The following CADM2 variants were observed in gnomAD, a reference collection of about 807,000 sequenced individuals.
The protein encoded by CADM2 is cell adhesion molecule 2.
In CADM2, 12 loss-of-function variants were observed where a neutral mutation model predicts 49.8. The observed-to-expected ratio is 0.24, with a 90% CI of 0.15 to 0.39. The LOEUF (loss-of-function observed/expected upper bound fraction) is 0.39, where lower values mean the gene tolerates loss of function less well. Among genes scored for constraint, CADM2 ranks in the 10% least tolerant of loss-of-function variants. The pLI, the probability that CADM2 is intolerant of heterozygous loss-of-function variation, is 1.00. For missense variants in CADM2, 378 were observed against 492.3 expected, an observed-to-expected ratio of 0.77 and a Z score of 2.20; for synonymous variants, 214 against 175.4, an observed-to-expected ratio of 1.22 and a Z score of -1.74.
At position 84,959,270 on chromosome 3, in the gene CADM2, G is replaced by A; in HGVS notation, c.-338G>A. The A allele has an allele frequency of 2.2e-6, 1 of 463,502 alleles. No individual in the cohort carries two copies. Among genetic ancestry groups the A allele is most frequent in the Non-Finnish European group, 3.9e-6 (1 of 255,194 alleles). The allele number at this position is 463,502 out of a possible 1,614,324, so 28.7% of individuals were successfully genotyped here. A position where few individuals can be genotyped will look rare whatever the true frequency, so the allele number is the denominator to read the frequency against. On this transcript the variant is annotated 5_prime_UTR_variant, in exon 1 of 10. Coordinates refer to ENST00000383699, the MANE Select transcript of CADM2 (RefSeq NM_001167675.2). The stretch of plus-strand genomic sequence containing the variant: ...ACACCCCGGCATCCCTGCACCACCT[G>A]CTCGGGCAGCCCCGGCGGGCTCTGG...
chr3:85,654,350 G>T (rs1485107115), intron 1 of CADM2, among the ~76,000 whole-genome samples: 1 of 152,146 alleles, frequency 6.6e-6, no homozygotes, highest in Non-Finnish European at 1.5e-5. Context: ...GAGGGGATGG[G>T]AACTAGTGCA....
At chr3:85,000,730 AACACACAT>A (rs1424617195) in intron 1 of CADM2, among the ~76,000 whole-genome samples, 1 of 151,712 alleles carries the variant, frequency 6.6e-6, no homozygotes, top group Non-Finnish European at 1.5e-5. Context: ...ACTTTTTTGA[AACACACAT>A]ACATTTTTGT....
At chr3:85,330,939 A>G (rs1218734697) in intron 1 of CADM2, among the ~76,000 whole-genome samples, 2 of 152,086 alleles carry the variant, frequency 1.3e-5, no homozygotes, top group Non-Finnish European at 2.9e-5. Context: ...TTCATTCTAC[A>G]TGACAGAGTC....
At chr3:85,867,171 C>T (rs1295709377) in intron 3 of CADM2, among the ~76,000 whole-genome samples, 2 of 152,016 alleles carry the variant, frequency 1.3e-5, no homozygotes, top group East Asian at 3.9e-4. Flanking sequence ...TAAAACGTAA[C>T]AACTGTATGT....
chr3:85,497,402 CA>C (rs1321162194), intron 1 of CADM2, among the ~76,000 whole-genome samples: 3 of 151,918 alleles, frequency 2.0e-5, no homozygotes, highest in African/African-American at 7.3e-5. Flanking sequence ...TGGCCTCTTG[CA>C]GTAGCAGAAA....
At chr3:85,287,816 A>G (rs916576076) in intron 1 of CADM2, among the ~76,000 whole-genome samples, 2 of 152,100 alleles carry the variant, frequency 1.3e-5, no homozygotes, top group African/African-American at 4.8e-5. Context: ...AATCAGTTGT[A>G]GCTTTTAAAT....
At chr3:85,813,468 T>A (rs1040626667) in intron 3 of CADM2, among the ~76,000 whole-genome samples, 2 of 152,196 alleles carry the variant, frequency 1.3e-5, no homozygotes, top group African/African-American at 4.8e-5. Flanking sequence ...GAAGGACAGA[T>A]TGCAAAAATT....
chr3:85,768,501 T>G (rs1448548250), intron 2 of CADM2, among the ~76,000 whole-genome samples: 1 of 148,332 alleles, frequency 6.7e-6, no homozygotes, highest in Admixed American at 6.8e-5. Context: ...TAAAATACTT[T>G]TTTTTTTATC....
At chr3:85,951,205 A>G (rs1272472989) in intron 7 of CADM2, among the ~76,000 whole-genome samples, 1 of 151,146 alleles carries the variant, frequency 6.6e-6, no homozygotes, top group East Asian at 2.0e-4. Flanking sequence ...ACATATCCAG[A>G]AATATTTAAA....
intron 5 of CADM2, among the ~76,000 whole-genome samples, chr3:85,887,172 G>A (rs1234759046): frequency 1.4e-5 from 2 of 145,132 alleles, no homozygotes; most frequent in African/African-American, 2.4e-5. Flanking sequence ...ACTGTACCTC[G>A]CACTCCTAGG....
intron 5 of CADM2, among the ~76,000 whole-genome samples, chr3:85,908,831 T>G (rs1717169655): frequency 6.6e-6 from 1 of 151,966 alleles, no homozygotes. Context: ...TTCAAGCGAT[T>G]CTTCTGCCTC....
At chr3:85,304,988 A>C (rs2044180600) in intron 1 of CADM2, among the ~76,000 whole-genome samples, 1 of 151,734 alleles carries the variant, frequency 6.6e-6, no homozygotes, top group African/African-American at 2.4e-5. Context: ...TATTGTAGCT[A>C]TTGAAAAGTA....
At chr3:85,212,839 T>TTTCC (rs2041816800) in intron 1 of CADM2, among the ~76,000 whole-genome samples, 9 of 113,244 alleles carry the variant, frequency 7.9e-5, no homozygotes, top group African/African-American at 3.2e-4. Context: ...TCTTTCTTTC[T>TTTCC]TTCTTTCTTT....
chr3:86,012,413 G>T, intron 8 of CADM2: 1 of 401,206 alleles, frequency 2.5e-6, no homozygotes, highest in Non-Finnish European at 4.4e-6. Flanking sequence ...TTACAATAAA[G>T]TTGGGCTTCT....
intron 1 of CADM2, among the ~76,000 whole-genome samples, chr3:85,713,545 A>C (rs949935638): frequency 6.6e-6 from 1 of 152,172 alleles, no homozygotes; most frequent in African/African-American, 2.4e-5. Context: ...AAAGGATGCC[A>C]CTTAGGCACT....
intron 1 of CADM2, among the ~76,000 whole-genome samples, chr3:85,613,213 C>T (rs930664567): frequency 1.3e-5 from 2 of 151,310 alleles, no homozygotes; most frequent in African/African-American, 4.8e-5. Context: ...AAAGAATATG[C>T]TATCCATTAC....
At chr3:85,579,931 A>G (rs116364229) in intron 1 of CADM2, among the ~76,000 whole-genome samples, 1 of 152,164 alleles carries the variant, frequency 6.6e-6, no homozygotes, top group African/African-American at 2.4e-5. Context: ...CAGAAAATGT[A>G]TATGTTTACA....
intron 1 of CADM2, among the ~76,000 whole-genome samples, chr3:85,625,277 C>T (rs1026526737): frequency 6.6e-6 from 1 of 151,854 alleles, no homozygotes; most frequent in African/African-American, 2.4e-5. Flanking sequence ...ATATTATTTC[C>T]TCTAGTATTA....
intron 1 of CADM2, among the ~76,000 whole-genome samples, chr3:85,212,109 C>G (rs530425470): frequency 6.6e-6 from 1 of 152,054 alleles, no homozygotes; most frequent in Non-Finnish European, 1.5e-5. Context: ...CTCCTCTTTT[C>G]TGGTTTCCAT....
Sources: allele counts gnomAD v4.1 joint callset (sites outside exome capture counted in the v4.1 genomes callset), GRCh38; gene constraint gnomAD v4.1.1; transcripts MANE v1.5; gene names NCBI Gene and HGNC (gene_info 2026-07-23, HGNC 2026-07-21).